Variants in TCERG1L observed in about 807,000 individuals in gnomAD.
TCERG1L encodes the protein transcription elongation regulator 1 like.
TCERG1L carries 37 observed loss-of-function variants against 56.3 expected under a neutral mutation model. That is an observed-to-expected ratio of 0.66 (90% CI 0.51 to 0.87). TCERG1L has a LOEUF of 0.87. TCERG1L is among the 40% of genes least tolerant of loss of function. The probability of loss-of-function intolerance (pLI) is 0.00; values close to 1 mark genes in which losing one functional copy is unlikely to be tolerated. For synonymous variants in TCERG1L, 324 were observed against 326.3 expected (o/e 0.99, Z 0.08); for missense variants, 799 against 774.2 (o/e 1.03, Z -0.38).
chr10:131,224,844 G>T (rs1405380571), intron 4 of TCERG1L, among the ~76,000 whole-genome samples: 1 of 148,832 alleles, frequency 6.7e-6, no homozygotes, highest in African/African-American at 2.5e-5. Flanking sequence ...ATCTCATTTT[G>T]ATGAAAACAC....
intron 3 of TCERG1L, among the ~76,000 whole-genome samples, chr10:131,291,601 T>TCAA (rs1469502228): frequency 6.6e-6 from 1 of 151,402 alleles, no homozygotes; most frequent in East Asian, 1.9e-4. Flanking sequence ...TAATTTTTTG[T>TCAA]ATTTTTAGTA....
chr10:131,282,451 T>C (rs1846470269), intron 3 of TCERG1L, among the ~76,000 whole-genome samples: 1 of 152,166 alleles, frequency 6.6e-6, no homozygotes, highest in Non-Finnish European at 1.5e-5. Flanking sequence ...AATTCTTCCC[T>C]ACAGAAACCA....
intron 11 of TCERG1L, among the ~76,000 whole-genome samples, chr10:131,093,558 C>T (rs768751914): frequency 3.9e-5 from 6 of 152,078 alleles, no homozygotes; most frequent in South Asian, 2.1e-4. Flanking sequence ...GAGTGGTCTC[C>T]GGAAATGAGC....
intron 4 of TCERG1L, among the ~76,000 whole-genome samples, chr10:131,248,111 C>G (rs1171805383): frequency 6.6e-6 from 1 of 151,844 alleles, no homozygotes; most frequent in African/African-American, 2.4e-5. Flanking sequence ...ACACATGATA[C>G]ACACACTGGT....
intron 6 of TCERG1L, 164 bp downstream of exon 6, chr10:131,162,958 A>C: frequency 1.9e-6 from 1 of 539,512 alleles, no homozygotes; most frequent in Non-Finnish European, 3.2e-6. Flanking sequence ...CTTTCTGCAG[A>C]ATGTGACCAC....
At chr10:131,196,056 A>T (rs1161864568) in intron 4 of TCERG1L, among the ~76,000 whole-genome samples, 1 of 152,146 alleles carries the variant, frequency 6.6e-6, no homozygotes, top group Non-Finnish European at 1.5e-5. Context: ...GAGTACCCCC[A>T]TTGCCAGCAG....
intron 4 of TCERG1L, among the ~76,000 whole-genome samples, chr10:131,258,719 G>A (rs914843622): frequency 2.0e-5 from 3 of 152,172 alleles, no homozygotes; most frequent in Non-Finnish European, 2.9e-5. Context: ...GATAACGTTG[G>A]TGCTGGCCTC....
chr10:131,188,383 T>C (rs11593241), intron 4 of TCERG1L, among the ~76,000 whole-genome samples: 16,524 of 152,192 alleles, frequency 0.11, 1,216 homozygotes, highest in East Asian at 0.22. Flanking sequence ...AAAAGATTCA[T>C]CTTGCCCACA....
chr10:131,193,460 G>A (rs986576326), intron 4 of TCERG1L, among the ~76,000 whole-genome samples: 4 of 152,144 alleles, frequency 2.6e-5, no homozygotes, highest in Non-Finnish European at 5.9e-5. Flanking sequence ...TTTTCTTATA[G>A]TATTTTTATA....
chr10:131,283,773 A>G (rs1476837410), intron 3 of TCERG1L, among the ~76,000 whole-genome samples: 1 of 152,238 alleles, frequency 6.6e-6, no homozygotes, highest in Non-Finnish European at 1.5e-5. Context: ...AGAGAGACTT[A>G]GCAACTGGAA....
At chr10:131,241,230 A>G (rs1845967941) in intron 4 of TCERG1L, among the ~76,000 whole-genome samples, 1 of 152,330 alleles carries the variant, frequency 6.6e-6, no homozygotes, top group East Asian at 1.9e-4. Flanking sequence ...GAACACAGGA[A>G]AACTAGGAGG....
intron 7 of TCERG1L, among the ~76,000 whole-genome samples, chr10:131,138,623 T>C (rs1395225762): frequency 6.6e-6 from 1 of 152,206 alleles, no homozygotes; most frequent in African/African-American, 2.4e-5. Flanking sequence ...TAAAAATTAA[T>C]GCAAACGGAG....
intron 3 of TCERG1L, among the ~76,000 whole-genome samples, chr10:131,299,660 G>GT (rs1169848789): frequency 1.3e-5 from 2 of 152,050 alleles, no homozygotes; most frequent in African/African-American, 4.8e-5. Flanking sequence ...TTTATAGGCA[G>GT]TTTTTTGTAT....
intron 6 of TCERG1L, among the ~76,000 whole-genome samples, chr10:131,155,060 C>T (rs768925605): frequency 6.6e-6 from 1 of 152,208 alleles, no homozygotes; most frequent in African/African-American, 2.4e-5. Flanking sequence ...GGCTCCCCTA[C>T]TTCCTCCTTT....
intron 4 of TCERG1L, among the ~76,000 whole-genome samples, chr10:131,255,571 T>A (rs1237818846): frequency 6.6e-6 from 1 of 152,224 alleles, no homozygotes; most frequent in Non-Finnish European, 1.5e-5. Context: ...TGTATTAGTA[T>A]TCTCTATACT....
intron 3 of TCERG1L, among the ~76,000 whole-genome samples, chr10:131,287,704 C>T (rs1032039077): frequency 1.3e-5 from 2 of 152,186 alleles, no homozygotes; most frequent in Non-Finnish European, 2.9e-5. Context: ...TGGGAACGGT[C>T]TAAATAGGCC....
chr10:131,283,669 G>A (rs1846488691), intron 3 of TCERG1L, among the ~76,000 whole-genome samples: 1 of 152,032 alleles, frequency 6.6e-6, no homozygotes, highest in Non-Finnish European at 1.5e-5. Context: ...AAGAAAAACT[G>A]GAAAACGAAG....
intron 7 of TCERG1L, among the ~76,000 whole-genome samples, chr10:131,143,735 C>T (rs1332564968): frequency 2.6e-5 from 4 of 152,134 alleles, no homozygotes; most frequent in Admixed American, 6.5e-5. Flanking sequence ...GTAAGATCCC[C>T]GAGAACCGCA....
chr10:131,275,905 G>A (rs113233225), intron 3 of TCERG1L, among the ~76,000 whole-genome samples: 2,210 of 152,198 alleles, frequency 0.015, 48 homozygotes, highest in African/African-American at 0.049. Context: ...GCATGACAAC[G>A]TGCACGCACC....
Sources: allele counts gnomAD v4.1 joint callset (sites outside exome capture counted in the v4.1 genomes callset), GRCh38; gene constraint gnomAD v4.1.1; transcripts MANE v1.5; gene names NCBI Gene and HGNC (gene_info 2026-07-23, HGNC 2026-07-21).